SIDT1: variants seen among roughly 807,000 people sequenced by gnomAD.
SIDT1 encodes the protein SID1 transmembrane family member 1.
In SIDT1, 101 loss-of-function variants were observed where a neutral mutation model predicts 107.5. The observed-to-expected ratio is 0.94, with a 90% CI of 0.80 to 1.11. SIDT1 has a LOEUF of 1.11. Ranked by LOEUF, SIDT1 falls within the 50% of genes least tolerant of loss-of-function variation. The probability of loss-of-function intolerance (pLI) is 0.00; values close to 1 mark genes in which losing one functional copy is unlikely to be tolerated. For synonymous variants in SIDT1, 395 were observed against 398.2 expected (o/e 0.99, Z 0.10); for missense variants, 1,076 against 1,058.2 (o/e 1.02, Z -0.23).
intron 9 of SIDT1, among the ~76,000 whole-genome samples, chr3:113,591,681 C>A (rs181497582): frequency 6.6e-6 from 1 of 152,150 alleles, no homozygotes; most frequent in Non-Finnish European, 1.5e-5. Flanking sequence ...GGCGACAGAG[C>A]GAGACTCTGG....
intron 1 of SIDT1, among the ~76,000 whole-genome samples, chr3:113,543,151 G>T (rs1939137738): frequency 6.6e-6 from 1 of 151,924 alleles, no homozygotes; most frequent in South Asian, 2.1e-4. Flanking sequence ...ATTTTGGCCA[G>T]GTTGGTCTCC....
chr3:113,576,461 G>T (rs1381669057), intron 3 of SIDT1, among the ~76,000 whole-genome samples: 1 of 152,018 alleles, frequency 6.6e-6, no homozygotes, highest in African/African-American at 2.4e-5. Context: ...CACTGTGTTT[G>T]GTAAAAGGTG....
At chr3:113,558,051 C>T (rs1941063123) in intron 1 of SIDT1, among the ~76,000 whole-genome samples, 1 of 144,184 alleles carries the variant, frequency 6.9e-6, no homozygotes. Flanking sequence ...GACAGACAGA[C>T]AGAGAGAGAG....
Position 113,623,551 on chromosome 3 carries a change from AGCGGCTACCTCGGGCCCTCGGGCAGGC to A in SIDT1, c.2196+21_2197-44del. On this transcript the variant is annotated intron_variant, in intron 22 of 24. Coordinates refer to ENST00000264852, the MANE Select transcript of SIDT1 (RefSeq NM_017699.3). ...CATGAAGGTAAGAGCGGGTGCCGGG[AGCGGCTACCTCGGGCCCTCGGGCAGGC>A]GAAGGCGGGGTCGCGTGAGGCCGCA... 1.2e-6 allele frequency: 2 copies of A among 1,606,412 alleles called. No homozygotes were observed. The highest frequency in any genetic ancestry group is 1.7e-6 in the Non-Finnish European group (2 of 1,173,112).
intron 10 of SIDT1, among the ~76,000 whole-genome samples, chr3:113,597,900 T>C (rs1944687930): frequency 6.6e-6 from 1 of 152,250 alleles, no homozygotes; most frequent in South Asian, 2.1e-4. Context: ...TACTATACAG[T>C]TAAATATAGA....
intron 10 of SIDT1, among the ~76,000 whole-genome samples, chr3:113,598,074 C>T (rs1442987167): frequency 3.9e-5 from 6 of 152,202 alleles, no homozygotes; most frequent in Admixed American, 6.5e-5. Flanking sequence ...AGAATGAAAA[C>T]ATTTTTGCAT....
intron 3 of SIDT1, 48 bp from the exon 4 acceptor site, chr3:113,576,874 C>T: frequency 6.3e-7 from 1 of 1,588,272 alleles, no homozygotes; most frequent in Non-Finnish European, 8.6e-7. Context: ...CTAACTTATG[C>T]TTTTCTCTCA....
chr3:113,550,480 T>C (rs1177377515), intron 1 of SIDT1, among the ~76,000 whole-genome samples: 1 of 152,192 alleles, frequency 6.6e-6, no homozygotes, highest in Non-Finnish European at 1.5e-5. Context: ...GAAGAACACA[T>C]GTTACTTGGG....
intron 1 of SIDT1, among the ~76,000 whole-genome samples, chr3:113,560,810 G>C (rs1434283512): frequency 6.6e-6 from 1 of 152,054 alleles, no homozygotes; most frequent in Non-Finnish European, 1.5e-5. Context: ...TTCTTTTATG[G>C]AACAGAAATA....
At chr3:113,562,742 C>T (rs575187258) in intron 1 of SIDT1, among the ~76,000 whole-genome samples, 1 of 152,268 alleles carries the variant, frequency 6.6e-6, no homozygotes, top group East Asian at 1.9e-4. Context: ...GTACAGGTTT[C>T]TTTTCGGGGT....
chr3:113,568,549 G>A lies in SIDT1; in HGVS notation c.515+839G>A, dbSNP rs546239204. 3.5e-3 allele frequency among the ~76,000 whole-genome samples: 512 copies of A among 148,338 alleles called. 9 individuals carry two copies. The highest frequency in any genetic ancestry group is 1.1e-3 in the Admixed American group (17 of 14,886). ...GCGGAGCTTGCAGTGAGCCGAGATCGCGCCACTGCACCCCAGCCTGGGCAA... is the reference window on the plus strand; with the variant it reads ...GCGGAGCTTGCAGTGAGCCGAGATCACGCCACTGCACCCCAGCCTGGGCAA... On this transcript the variant is annotated intron_variant, in intron 3 of 24. Transcript: ENST00000264852.
At chr3:113,578,778 C>T (rs1943112122) in intron 4 of SIDT1, among the ~76,000 whole-genome samples, 1 of 152,002 alleles carries the variant, frequency 6.6e-6, no homozygotes. Flanking sequence ...TCACTTGAGC[C>T]CAGGAGGTCA....
At chr3:113,536,735 T>A (rs1228824540) in intron 1 of SIDT1, among the ~76,000 whole-genome samples, 1 of 152,274 alleles carries the variant, frequency 6.6e-6, no homozygotes, top group Admixed American at 6.5e-5. Flanking sequence ...AATGTAAATA[T>A]GAAGTTGCCT....
rs73853731 is a variant in SIDT1 at position 113,583,516 on chromosome 3, A to T, written c.835+20A>T. 6,485 of 1,532,566 alleles carry T rather than the reference A, an allele frequency of 4.2e-3. 53 individuals carry two copies. The highest frequency in any genetic ancestry group is 0.028 in the African/African-American group (2,056 of 74,046). The allele number at this position is 1,532,566 out of a possible 1,614,324, so 94.9% of individuals were successfully genotyped here. On this transcript the variant is annotated intron_variant, in intron 7 of 24. Coordinates refer to ENST00000264852, the MANE Select transcript of SIDT1 (RefSeq NM_017699.3). Reference sequence around the variant, plus strand: ...TCCAGGGTAAGAGCTAGTGAGGAACACTTGGCTGCTTAGCAAAACCTGAAG... The same window carrying T: ...TCCAGGGTAAGAGCTAGTGAGGAACTCTTGGCTGCTTAGCAAAACCTGAAG...
chr3:113,542,902 T>TTGTGTGTG (rs71625216), intron 1 of SIDT1, among the ~76,000 whole-genome samples: 18 of 145,246 alleles, frequency 1.2e-4, no homozygotes, highest in African/African-American at 3.1e-4. Flanking sequence ...TTTTGCTTGG[T>TTGTGTGTG]TGTGTGTGTG....
At chr3:113,533,341 T>G (rs570214031) in intron 1 of SIDT1, 98 bp downstream of exon 1, 1 of 959,072 alleles carries the variant, frequency 1.0e-6, no homozygotes, top group East Asian at 3.3e-5. Context: ...CTTGGGAGAC[T>G]TCGGGGACCA....
chr3:113,607,210 G>A, intron 15 of SIDT1, 96 bp downstream of exon 15: 1 of 781,564 alleles, frequency 1.3e-6, no homozygotes, highest in Non-Finnish European at 2.2e-6. Context: ...AAACAACTGT[G>A]GAAAACGACC....
intron 1 of SIDT1, among the ~76,000 whole-genome samples, chr3:113,545,864 A>C (rs1417154638): frequency 6.6e-6 from 1 of 152,234 alleles, no homozygotes; most frequent in East Asian, 1.9e-4. Flanking sequence ...TGGACTGTTG[A>C]ATTCTCAAGA....
chr3:113,542,602 A>G (rs1451060459), intron 1 of SIDT1, among the ~76,000 whole-genome samples: 2 of 152,190 alleles, frequency 1.3e-5, no homozygotes, highest in African/African-American at 2.4e-5. Context: ...TGTATGGAAC[A>G]TAACTGCAAT....
Sources: allele counts gnomAD v4.1 joint callset (sites outside exome capture counted in the v4.1 genomes callset), GRCh38; gene constraint gnomAD v4.1.1; transcripts MANE v1.5; gene names NCBI Gene and HGNC (gene_info 2026-07-23, HGNC 2026-07-21).